The following DCLRE1C variants were observed in gnomAD, a reference collection of about 807,000 sequenced individuals.
DCLRE1C encodes the protein DNA cross-link repair 1C, also known as protein artemis.
Under a neutral mutation model 61.4 loss-of-function variants are expected in DCLRE1C, and 47 were observed. That is an observed-to-expected ratio of 0.77 (90% CI 0.61 to 0.98). The LOEUF (loss-of-function observed/expected upper bound fraction) is 0.98. DCLRE1C is among the 50% of genes least tolerant of loss of function. The probability of loss-of-function intolerance (pLI) is 0.00; values close to 1 mark genes in which losing one functional copy is unlikely to be tolerated. For missense variants in DCLRE1C, 858 were observed against 816.0 expected (o/e 1.05, Z -0.63); for synonymous variants, 337 against 287.6 (o/e 1.17, Z -1.74).
chr10:14,929,867 T>G (rs968236297), intron 9 of DCLRE1C, among the ~76,000 whole-genome samples: 36 of 152,148 alleles, frequency 2.4e-4, no homozygotes, highest in African/African-American at 8.7e-4. Flanking sequence ...GAGTTAAGAG[T>G]GGACTCTATG....
intron 12 of DCLRE1C, among the ~76,000 whole-genome samples, chr10:14,920,697 G>A (rs1819751446): frequency 6.6e-6 from 1 of 152,196 alleles, no homozygotes; most frequent in African/African-American, 2.4e-5. Context: ...AATGAAGGAT[G>A]GGGGCCGGGT....
At position 14,907,760 on chromosome 10, in the gene DCLRE1C, T is replaced by C. The variant is rs1455422261; in HGVS notation, c.*648A>G. On this transcript the variant is annotated 3_prime_UTR_variant, in exon 14 of 14. Transcript: ENST00000378278. ...ATAGACAGCAGATCACTGGGTTATG[T>C]TGGTTTTTTCCGTGTCTCTTGTCAT... The C allele has an allele frequency of 6.6e-6, 1 of 152,202 alleles. No individual in the cohort carries two copies. The highest frequency in any genetic ancestry group is 1.5e-5 in the Non-Finnish European group (1 of 68,070). 9.4% of individuals were successfully genotyped at this position (152,202 alleles called of 1,614,324 possible).
chr10:14,929,295 T>C (rs1199215546), intron 9 of DCLRE1C, among the ~76,000 whole-genome samples: 1 of 151,890 alleles, frequency 6.6e-6, no homozygotes, highest in East Asian at 1.9e-4. Context: ...TCCCAGCTAC[T>C]TGGGAGGCTG....
chr10:14,948,630 C>G (rs1465252673), intron 2 of DCLRE1C, among the ~76,000 whole-genome samples: 2 of 151,998 alleles, frequency 1.3e-5, no homozygotes, highest in African/African-American at 4.8e-5. Context: ...AATGCCAGCC[C>G]TTTGGAAGAA....
At chr10:14,943,841 C>T (rs1841260894) in intron 3 of DCLRE1C, among the ~76,000 whole-genome samples, 1 of 152,168 alleles carries the variant, frequency 6.6e-6, no homozygotes, top group African/African-American at 2.4e-5. Flanking sequence ...CCACTGGGCC[C>T]AGCCAGATTT....
At chr10:14,914,109 A>G (rs1835762046) in intron 13 of DCLRE1C, among the ~76,000 whole-genome samples, 1 of 152,204 alleles carries the variant, frequency 6.6e-6, no homozygotes, top group Non-Finnish European at 1.5e-5. Context: ...GCCAGAAAAT[A>G]CCAGGTTGGC....
intron 13 of DCLRE1C, among the ~76,000 whole-genome samples, chr10:14,919,060 A>G (rs200706136): frequency 6.6e-6 from 1 of 152,196 alleles, no homozygotes; most frequent in East Asian, 1.9e-4. Flanking sequence ...GTGTTCAAAA[A>G]ATAGTATCAT....
At chr10:14,921,268 C>T (rs41299690) in intron 12 of DCLRE1C, among the ~76,000 whole-genome samples, 1,739 of 151,524 alleles carry the variant, frequency 0.011, 41 homozygotes, top group African/African-American at 0.04. Flanking sequence ...TGTAGTGAGC[C>T]GAGATCGCGC....
chr10:14,926,817 G>T (rs775817024), intron 11 of DCLRE1C, 26 bp downstream of exon 11: 37 of 1,595,558 alleles, frequency 2.3e-5, no homozygotes, highest in Admixed American at 8.3e-5. Context: ...AGCGATAAGG[G>T]TTATGAGTAT....
rs1448810890 is a variant in DCLRE1C at position 14,945,054 on chromosome 10, A to C, written c.246+51T>G. Reference sequence around the variant, plus strand: ...CAAAGTTTTTGTCAATCTACCTCTAAAAATACTTCCCACTTAAAAAAAATT... The same window carrying C: ...CAAAGTTTTTGTCAATCTACCTCTACAAATACTTCCCACTTAAAAAAAATT... On this transcript the variant is annotated intron_variant, in intron 3 of 13. Coordinates refer to ENST00000378278, the MANE Select transcript of DCLRE1C (RefSeq NM_001033855.3). 3.5e-6 allele frequency: 5 copies of C among 1,434,666 alleles called. No homozygotes were observed. In the South Asian group the frequency reaches 6.1e-5, roughly 17 times the overall value. The allele number at this position is 1,434,666 out of a possible 1,614,324, so 88.9% of individuals were successfully genotyped here. A position where few individuals can be genotyped will look rare whatever the true frequency, so the allele number is the denominator to read the frequency against.
In DCLRE1C at chr10:14,904,877, T is replaced by C. The variant is rs1030383303; in HGVS notation, c.*3531A>G. ...AAAGGTGAATCCACTGTATGTATTA[T>C]ATTGATACCATCATTTTCAGGATCT... On this transcript the variant is annotated 3_prime_UTR_variant, in exon 14 of 14. Coordinates refer to ENST00000378278, the MANE Select transcript of DCLRE1C (RefSeq NM_001033855.3). 2.0e-5 allele frequency among the ~76,000 whole-genome samples: 3 copies of C among 152,236 alleles called. No homozygotes were observed. The highest frequency in any genetic ancestry group is 2.9e-5 in the Non-Finnish European group (2 of 68,028).
intron 9 of DCLRE1C, among the ~76,000 whole-genome samples, chr10:14,932,401 G>GC (rs749520994): frequency 6.6e-6 from 1 of 152,150 alleles, no homozygotes; most frequent in Non-Finnish European, 1.5e-5. Context: ...ACTTTGGGAG[G>GC]CCGAGGGAGG....
rs1001363760 is a variant in DCLRE1C at position 14,942,620 on chromosome 10, G to A, written c.246+2485C>T. Among the ~76,000 whole-genome samples the A allele has an allele frequency of 3.3e-5, 5 of 152,274 alleles. 1 individual carries two copies. The highest frequency in any genetic ancestry group is 3.4e-3 in the Middle Eastern group (1 of 294). ...ACTTCAGTCACATCACAGGACTTTC[G>A]GGGAGGGCAGTGCAGTCCCTGAGCT... On this transcript the variant is annotated intron_variant, in intron 3 of 13. Transcript: ENST00000378278.
chr10:14,908,032 C>A lies in DCLRE1C; in HGVS notation c.*376G>T. On this transcript the variant is annotated 3_prime_UTR_variant, in exon 14 of 14. Transcript: ENST00000378278. Reference sequence around the variant, plus strand: ...ATGAGCCACCGTGCCTGGCCTTTTTCTTTTTTAAACAGGGTCTTGCTCTGT... The same window carrying A: ...ATGAGCCACCGTGCCTGGCCTTTTTATTTTTTAAACAGGGTCTTGCTCTGT... 1 of 181,904 alleles carries A rather than the reference C, an allele frequency of 5.5e-6. No homozygotes were observed. Among genetic ancestry groups the A allele is most frequent in the Non-Finnish European group, 1.1e-5 (1 of 88,290 alleles). 11.3% of individuals were successfully genotyped at this position (181,904 alleles called of 1,614,324 possible). A position where few individuals can be genotyped will look rare whatever the true frequency, so the allele number is the denominator to read the frequency against.
chr10:14,910,142 T>C (rs553744934), intron 13 of DCLRE1C, among the ~76,000 whole-genome samples: 1 of 152,252 alleles, frequency 6.6e-6, no homozygotes, highest in Non-Finnish European at 1.5e-5. Context: ...GACACTAATA[T>C]AAAGGACCAT....
rs1319501096 is a variant in DCLRE1C at position 14,923,032 on chromosome 10, G to C, written c.1010C>G (p.Ala337Gly). Residue 337 changes from alanine to glycine, a missense_variant, in exon 12 of 14, where the codon GCA (alanine) becomes GGA (glycine). Around this residue, in one of 2 missense-constraint regions of DCLRE1C, gnomAD observed 843 missense variants for 783.5 expected, o/e 1.08. Transcript: ENST00000378278. Reference sequence around the variant, plus strand: ...GCCAACTGGAATGACATTTGGATATGCGTTCACAGGACAGAGGTAGCTCAA... The same window carrying C: ...GCCAACTGGAATGACATTTGGATATCCGTTCACAGGACAGAGGTAGCTCAA... ...DFLSYLCPVNAYPNVIPVGTT... is the reference protein window; with the variant it reads ...DFLSYLCPVNGYPNVIPVGTT... The C allele has an allele frequency of 2.5e-6, 4 of 1,614,144 alleles. No homozygotes were observed.
chr10:14,909,999 T>C (rs538026153), intron 13 of DCLRE1C, among the ~76,000 whole-genome samples: 2 of 152,228 alleles, frequency 1.3e-5, no homozygotes, highest in Admixed American at 6.5e-5. Context: ...TTTCCCATCT[T>C]GTAACAGTAT....
intron 9 of DCLRE1C, among the ~76,000 whole-genome samples, chr10:14,932,470 A>G (rs962475849): frequency 6.6e-6 from 1 of 151,818 alleles, no homozygotes; most frequent in Non-Finnish European, 1.5e-5. Context: ...CCTCGTCTGT[A>G]GTAAAAATAA....
chr10:14,901,204 G>C, downstream of DCLRE1C: 1 of 1,613,978 alleles, frequency 6.2e-7, no homozygotes, highest in Non-Finnish European at 8.5e-7. Flanking sequence ...GAATAGCATT[G>C]TTTTCCACAA....
Sources: allele counts gnomAD v4.1 joint callset (sites outside exome capture counted in the v4.1 genomes callset), GRCh38; gene constraint gnomAD v4.1.1; regional missense constraint gnomAD v4.1.1; transcripts MANE v1.5; gene names NCBI Gene and HGNC (gene_info 2026-07-23, HGNC 2026-07-21).